Variants in ZNF2 observed in about 807,000 individuals in gnomAD.
The protein encoded by ZNF2 is zinc finger protein 2.
ZNF2 carries 12 observed loss-of-function variants against 21.9 expected under a neutral mutation model. The ratio of observed to expected loss-of-function variants is 0.55; its 90% CI spans 0.35 to 0.89. ZNF2 has a LOEUF of 0.89. ZNF2 is among the 40% of genes least tolerant of loss of function. The probability of loss-of-function intolerance (pLI) is 0.01; values close to 1 mark genes in which losing one functional copy is unlikely to be tolerated. For missense variants in ZNF2, 462 were observed against 544.2 expected (o/e 0.85, Z 1.50); for synonymous variants, 186 against 196.3 (o/e 0.95, Z 0.44).
intron 3 of ZNF2, among the ~76,000 whole-genome samples, chr2:95,179,909 T>G (rs535309971): frequency 6.6e-5 from 10 of 152,114 alleles, no homozygotes; most frequent in Non-Finnish European, 1.5e-5. Flanking sequence ...ATACAAAAAT[T>G]AGCCAGGTGT....
chr2:95,182,019 T>C lies in ZNF2; in HGVS notation c.1191T>C (p.Phe397=). Residue 397 remains phenylalanine (F), a synonymous_variant, in exon 5 of 5, where the codon TTT becomes TTC. Transcript: ENST00000614034. ...GTGTCCACACGGGAGAGAAGCCCTT[T>C]GAATGCACTGTGTGTGGGAAAGTTT... ...HQRVHTGEKP[F]ECTVCGKVFS... 1 of 1,614,260 alleles carries C rather than the reference T, an allele frequency of 6.2e-7. No individual in the cohort carries two copies. The highest frequency in any genetic ancestry group is 8.5e-7 in the Non-Finnish European group (1 of 1,180,032).
At chr2:95,167,255 A>G (rs1674095682) in intron 1 of ZNF2, among the ~76,000 whole-genome samples, 1 of 152,218 alleles carries the variant, frequency 6.6e-6, no homozygotes, top group East Asian at 1.9e-4. Context: ...TGTAAGTCCC[A>G]GCACTTTGGG....
intron 4 of ZNF2, 153 bp from the exon 5 acceptor site, chr2:95,180,950 C>T: frequency 3.4e-6 from 3 of 879,324 alleles, no homozygotes; most frequent in Admixed American, 2.8e-5. Context: ...TCTTCACTCC[C>T]AGGTCTTAGT....
chr2:95,171,380 TTC>T (rs1307136871), intron 1 of ZNF2, among the ~76,000 whole-genome samples: 4 of 151,182 alleles, frequency 2.6e-5, no homozygotes, highest in African/African-American at 9.8e-5. Context: ...TTTCTTCTTC[TTC>T]TTTTTTTTTT....
chr2:95,181,417 G>A lies in ZNF2; in HGVS notation c.589G>A (p.Gly197Arg), dbSNP rs1370897792. The change falls in exon 5 of 5, where the codon GGG (glycine) becomes AGG (arginine). Residue 197 changes from glycine (G) to arginine (R), a missense_variant. Gly to Arg is a moderately radical substitution (Grantham distance 125). Transcript: ENST00000614034. ...CACCCGCCATCAGAGGACTCACACTGGGGAGAAGCCCTACGACTGCCGCGA... is the reference window on the plus strand; with the variant it reads ...CACCCGCCATCAGAGGACTCACACTAGGGAGAAGCCCTACGACTGCCGCGA... Reference protein sequence around the residue: ...SLTRHQRTHTGEKPYDCRECG... With the variant: ...SLTRHQRTHTREKPYDCRECG... The A allele has an allele frequency of 6.2e-7, 1 of 1,614,178 alleles. No individual in the cohort carries two copies. Among genetic ancestry groups the A allele is most frequent in the Admixed American group, 1.7e-5 (1 of 60,028 alleles).
chr2:95,174,344 T>C (rs1265691685), intron 1 of ZNF2, among the ~76,000 whole-genome samples: 1 of 152,180 alleles, frequency 6.6e-6, no homozygotes, highest in African/African-American at 2.4e-5. Context: ...TGATGACATG[T>C]CCACACCCAA....
At chr2:95,173,694 A>G (rs895078290) in intron 1 of ZNF2, among the ~76,000 whole-genome samples, 1 of 152,176 alleles carries the variant, frequency 6.6e-6, no homozygotes, top group Non-Finnish European at 1.5e-5. Flanking sequence ...TGTTATTAAG[A>G]TGATGGGTTT....
intron 3 of ZNF2, among the ~76,000 whole-genome samples, chr2:95,178,618 G>A (rs937510497): frequency 1.3e-5 from 2 of 152,162 alleles, no homozygotes; most frequent in African/African-American, 4.8e-5. Context: ...TTCCCAAGTT[G>A]GGGCCTCAGC....
chr2:95,182,229 G>A lies in ZNF2; in HGVS notation c.*123G>A. On this transcript the variant is annotated 3_prime_UTR_variant, in exon 5 of 5. Coordinates refer to ENST00000614034, the MANE Select transcript of ZNF2 (RefSeq NM_021088.4). Reference sequence around the variant, plus strand: ...GCTGCCGTTGTCCTGTCCTGCTTCTGCGCCAGAGTGTTTAATAAGCACTCC... The same window carrying A: ...GCTGCCGTTGTCCTGTCCTGCTTCTACGCCAGAGTGTTTAATAAGCACTCC... 1 of 1,256,100 alleles carries A rather than the reference G, an allele frequency of 8.0e-7. No individual in the cohort carries two copies. Among genetic ancestry groups the A allele is most frequent in the Admixed American group, 2.4e-5 (1 of 41,540 alleles). The allele number at this position is 1,256,100 out of a possible 1,614,324, so 77.8% of individuals were successfully genotyped here.
chr2:95,175,652 A>C (rs558634874), intron 1 of ZNF2, among the ~76,000 whole-genome samples: 4 of 152,128 alleles, frequency 2.6e-5, no homozygotes, highest in African/African-American at 9.7e-5. Context: ...ATCTCAATCT[A>C]CTAGTCATGT....
rs776948216 is a variant in ZNF2, at chr2:95,181,264, C to T, written c.436C>T (p.Arg146Cys). 4.6e-5 allele frequency: 74 copies of T among 1,614,074 alleles called. No individual in the cohort carries two copies. The East Asian group carries it at 1.2e-3, about 27-fold the overall frequency. The change falls in exon 5 of 5, where the codon CGT becomes TGT. Residue 146 changes from arginine to cysteine, a missense_variant. Arg to Cys is a radical substitution (Grantham distance 180). Coordinates refer to ENST00000614034, the MANE Select transcript of ZNF2 (RefSeq NM_021088.4). The stretch of plus-strand genomic sequence containing the variant: ...AAAGCAAAGCCCTTCAGGGGAGACT[C>T]GTAAGAAATCCCTCTCCCGGGACAA... ...TEKQSPSGET[R>C]KKSLSRDKGL... is the part of the protein sequence containing the mutation.
At chr2:95,172,373 A>G (rs1674303551) in intron 1 of ZNF2, among the ~76,000 whole-genome samples, 1 of 152,132 alleles carries the variant, frequency 6.6e-6, no homozygotes, top group African/African-American at 2.4e-5. Context: ...CTTTCTAGGA[A>G]TAGCAGTCTC....
chr2:95,170,539 C>T (rs1054802971), intron 1 of ZNF2, among the ~76,000 whole-genome samples: 10 of 152,078 alleles, frequency 6.6e-5, no homozygotes, highest in East Asian at 5.8e-4. Flanking sequence ...AGGTAACAGA[C>T]CAATAGACTA....
rs1674730332 is a variant in ZNF2, at chr2:95,182,923, C to T, written c.*817C>T. 1 of 152,234 alleles carries T rather than the reference C, an allele frequency of 6.6e-6. No homozygotes were observed. Among genetic ancestry groups the T allele is most frequent in the Admixed American group, 6.5e-5 (1 of 15,292 alleles). The allele number at this position is 152,234 out of a possible 1,614,324, so 9.4% of individuals were successfully genotyped here. On this transcript the variant is annotated 3_prime_UTR_variant, in exon 5 of 5. Coordinates refer to ENST00000614034, the MANE Select transcript of ZNF2 (RefSeq NM_021088.4). ...GTGACTTACAGGTCTTTGTATCTCACACAGTGCCTTGCTAATAGGTGCTCA... is the reference window on the plus strand; with the variant it reads ...GTGACTTACAGGTCTTTGTATCTCATACAGTGCCTTGCTAATAGGTGCTCA...
chr2:95,179,508 A>T (rs1674564305), intron 3 of ZNF2, among the ~76,000 whole-genome samples: 1 of 152,210 alleles, frequency 6.6e-6, no homozygotes, highest in Admixed American at 6.5e-5. Context: ...CTTTTTACTC[A>T]AGGTGACTTA....
In ZNF2 at chr2:95,184,178, A is replaced by T. The variant is rs1481635738; in HGVS notation, c.*2072A>T. ...CCTATTACTCTGTTCACCCTAGAGC[A>T]GACGAACGGCAGGGAAGACTTGATC... is the stretch of plus-strand genomic sequence containing the variant. On this transcript the variant is annotated 3_prime_UTR_variant, in exon 5 of 5. Transcript: ENST00000614034. 1.3e-5 allele frequency: 2 copies of T among 152,240 alleles called. No individual in the cohort carries two copies. The highest frequency in any genetic ancestry group is 2.9e-5 in the Non-Finnish European group (2 of 68,034). 9.4% of individuals were successfully genotyped at this position (152,240 alleles called of 1,614,324 possible).
intron 1 of ZNF2, among the ~76,000 whole-genome samples, chr2:95,172,297 G>A (rs1674301185): frequency 6.6e-6 from 1 of 152,114 alleles, no homozygotes. Context: ...ATCTCTTAGG[G>A]AACTGGGGAA....
chr2:95,178,539 CGT>C (rs1459412332), intron 3 of ZNF2, among the ~76,000 whole-genome samples: 1 of 152,122 alleles, frequency 6.6e-6, no homozygotes, highest in African/African-American at 2.4e-5. Context: ...TGGGTGTGGC[CGT>C]TTTGTCAACA....
Position 95,180,132 on chromosome 2 carries a change from C to T in ZNF2, c.161-27C>T, listed in dbSNP as rs115967196. ...TATTATTTTCATCACACACAGCCAC[C>T]TGCTTTGTTTCTTTCTCTTTGAGCA... On this transcript the variant is annotated intron_variant, in intron 3 of 4. Transcript: ENST00000614034. The T allele has an allele frequency of 9.8e-4, 1,476 of 1,507,058 alleles. 15 individuals are homozygous for T. The African/African-American group carries it at 0.019, about 19-fold the overall frequency. 93.4% of individuals were successfully genotyped at this position (1,507,058 alleles called of 1,614,324 possible).
Sources: gnomAD v4.1 joint callset for allele counts (sites outside exome capture counted in the v4.1 genomes callset) on GRCh38, gnomAD v4.1.1 for gene constraint, MANE v1.5 for transcripts, NCBI Gene and HGNC (gene_info 2026-07-23, HGNC 2026-07-21) for gene names.